The following TUSC3 variants were observed in gnomAD, a reference collection of about 807,000 sequenced individuals.
The protein encoded by TUSC3 is tumor suppressor candidate 3, also known as dolichyl-diphosphooligosaccharide--protein glycosyltransferase subunit TUSC3.
A neutral mutation model predicts 44.8 loss-of-function variants in TUSC3; 45 were observed. That is an observed-to-expected ratio of 1.00 (90% CI 0.79 to 1.29). The LOEUF is 1.29. TUSC3 is among the 50% of genes most tolerant of loss of function. The pLI is 0.00. For synonymous variants in TUSC3, 212 were observed against 152.9 expected, an observed-to-expected ratio of 1.39 and a Z score of -2.85; for missense variants, 519 against 437.9, an observed-to-expected ratio of 1.19 and a Z score of -1.65.
At chr8:15,462,198 C>T (rs1341179618) in intron 1 of TUSC3, among the ~76,000 whole-genome samples, 3 of 152,048 alleles carry the variant, frequency 2.0e-5, no homozygotes, top group African/African-American at 7.2e-5. Context: ...TACTTCTGAG[C>T]ACTTTGCAGG....
chr8:15,623,252 A>G lies in TUSC3; in HGVS notation c.308+3A>G, dbSNP rs778993933. 1.9e-6 allele frequency: 3 copies of G among 1,579,284 alleles called. No individual in the cohort carries two copies. The Admixed American group carries it at 5.5e-5, about 29-fold the overall frequency. Reference sequence around the variant, plus strand: ...CAGCGGCAGTGTTCTGTGTGCAGGTAATTTATGTAATTAAAAAATATTAAA... The same window carrying G: ...CAGCGGCAGTGTTCTGTGTGCAGGTGATTTATGTAATTAAAAAATATTAAA... On this transcript the variant is annotated splice_donor_region_variant and intron_variant, in intron 2 of 10. Transcript: ENST00000503731.
chr8:15,650,889 A>G, intron 3 of TUSC3, 75 bp downstream of exon 3: 3 of 1,466,518 alleles, frequency 2.0e-6, no homozygotes, highest in East Asian at 2.3e-5. Flanking sequence ...TCACATAAAA[A>G]TACAATTCAT....
chr8:15,567,384 A>G (rs562248763), intron 1 of TUSC3, among the ~76,000 whole-genome samples: 1 of 152,294 alleles, frequency 6.6e-6, no homozygotes, highest in South Asian at 2.1e-4. Context: ...AAATATTAGC[A>G]TAAGATCCTT....
the TUSC3 span, chr8:15,806,530 G>A: frequency 7.3e-7 from 1 of 1,366,714 alleles, no homozygotes; most frequent in East Asian, 2.3e-5. Flanking sequence ...CTTCAAGCCT[G>A]GATCTTACAA....
chr8:15,718,836 C>G (rs909852647), intron 6 of TUSC3, among the ~76,000 whole-genome samples: 1 of 152,014 alleles, frequency 6.6e-6, no homozygotes, highest in Non-Finnish European at 1.5e-5. Flanking sequence ...ATAACTAAAT[C>G]TTTACTATAC....
At chr8:15,784,498 A>ATGTGTG in the TUSC3 span, among the ~76,000 whole-genome samples, 18 of 149,582 alleles carry the variant, frequency 1.2e-4, no homozygotes, top group Non-Finnish European at 1.8e-4. Context: ...TGTTATGTGT[A>ATGTGTG]TGTGTGTGTG....
chr8:15,496,537 C>T (rs764244037), intron 2 of TUSC3, among the ~76,000 whole-genome samples: 4 of 152,166 alleles, frequency 2.6e-5, no homozygotes, highest in Admixed American at 1.3e-4. Context: ...TACATGCCGA[C>T]AAGGTCTTAC....
At chr8:15,487,561 A>G (rs1372674402) in intron 2 of TUSC3, among the ~76,000 whole-genome samples, 1 of 152,208 alleles carries the variant, frequency 6.6e-6, no homozygotes, top group Non-Finnish European at 1.5e-5. Context: ...TGTTACTGAG[A>G]TACTAAACAT....
At chr8:15,428,019 G>A (rs1395898140) in intron 1 of TUSC3, among the ~76,000 whole-genome samples, 1 of 151,394 alleles carries the variant, frequency 6.6e-6, no homozygotes, top group Non-Finnish European at 1.5e-5. Context: ...TGCACAACGT[G>A]CTGGTTTGTT....
At chr8:15,744,299 G>A (rs1811314128) in intron 8 of TUSC3, among the ~76,000 whole-genome samples, 1 of 152,024 alleles carries the variant, frequency 6.6e-6, no homozygotes, top group Non-Finnish European at 1.5e-5. Flanking sequence ...GAGTTTTCTA[G>A]CAAAAAGAGA....
intron 1 of TUSC3, among the ~76,000 whole-genome samples, chr8:15,545,219 C>T (rs1801823412): frequency 1.3e-5 from 2 of 151,496 alleles, no homozygotes; most frequent in African/African-American, 4.8e-5. Flanking sequence ...TCCTTGAAAG[C>T]AACTAATGTC....
intron 1 of TUSC3, among the ~76,000 whole-genome samples, chr8:15,544,258 C>T (rs942777764): frequency 2.6e-5 from 4 of 152,044 alleles, no homozygotes; most frequent in African/African-American, 7.2e-5. Context: ...TTTCTAACTT[C>T]ATTAACACTT....
chr8:15,627,606 G>C (rs899130001), intron 2 of TUSC3, among the ~76,000 whole-genome samples: 2 of 152,240 alleles, frequency 1.3e-5, no homozygotes, highest in African/African-American at 2.4e-5. Flanking sequence ...TCCTGAGCCA[G>C]GGCTGTGACT....
intron 6 of TUSC3, among the ~76,000 whole-genome samples, chr8:15,681,215 C>A (rs543458340): frequency 1.6e-5 from 1 of 64,448 alleles, no homozygotes; most frequent in South Asian, 3.1e-4. Context: ...GGATTCCGTC[C>A]TCCTTTTTTT....
chr8:15,466,174 G>GTT, intron 1 of TUSC3, among the ~76,000 whole-genome samples: 1 of 152,210 alleles, frequency 6.6e-6, no homozygotes, highest in East Asian at 1.9e-4. Flanking sequence ...GTTAAAGGTT[G>GTT]TTTTTCTCCT....
intron 1 of TUSC3, among the ~76,000 whole-genome samples, chr8:15,461,638 T>A (rs1424891660): frequency 1.3e-5 from 2 of 152,048 alleles, no homozygotes; most frequent in Non-Finnish European, 2.9e-5. Flanking sequence ...ACGTTCTACT[T>A]TTCCCCATTC....
chr8:15,507,161 C>A (rs560944325), intron 2 of TUSC3, among the ~76,000 whole-genome samples: 1 of 152,110 alleles, frequency 6.6e-6, no homozygotes, highest in Non-Finnish European at 1.5e-5. Context: ...CTCCCCCTTG[C>A]CCTCCATAGT....
At chr8:15,638,191 A>G (rs920392231) in intron 2 of TUSC3, among the ~76,000 whole-genome samples, 26 of 149,372 alleles carry the variant, frequency 1.7e-4, no homozygotes, top group Non-Finnish European at 3.1e-4. Context: ...CGCCTCTGCT[A>G]GGATCCCTCG....
At chr8:15,710,000 A>T (rs1457622091) in intron 6 of TUSC3, among the ~76,000 whole-genome samples, 1 of 151,754 alleles carries the variant, frequency 6.6e-6, no homozygotes, top group African/African-American at 2.4e-5. Context: ...TTTCTCCCCT[A>T]TTCCAGGATC....
Sources: allele counts gnomAD v4.1 joint callset (sites outside exome capture counted in the v4.1 genomes callset), GRCh38; gene constraint gnomAD v4.1.1; transcripts MANE v1.5; gene names NCBI Gene and HGNC (gene_info 2026-07-23, HGNC 2026-07-21).